CERS3: variants seen among roughly 807,000 people sequenced by gnomAD.
CERS3 encodes LAG1 homolog, ceramide synthase 3.
Under a neutral mutation model 50.3 loss-of-function variants are expected in CERS3, and 33 were observed. That is an observed-to-expected ratio of 0.66 (90% CI 0.50 to 0.88). The LOEUF (loss-of-function observed/expected upper bound fraction) is 0.88. Ranked by LOEUF, CERS3 falls within the 40% of genes least tolerant of loss-of-function variation. The pLI, the probability that CERS3 is intolerant of heterozygous loss-of-function variation, is 0.00. For synonymous variants in CERS3, 176 were observed against 155.2 expected, an observed-to-expected ratio of 1.13 and a Z score of -0.99; for missense variants, 470 against 460.3, an observed-to-expected ratio of 1.02 and a Z score of -0.19.
chr15:100,475,063 T>G (rs1464986136), intron 8 of CERS3, among the ~76,000 whole-genome samples: 2 of 152,204 alleles, frequency 1.3e-5, no homozygotes, highest in Non-Finnish European at 2.9e-5. Context: ...CCTACCTGTA[T>G]ATAAAGACTT....
intron 11 of CERS3, among the ~76,000 whole-genome samples, chr15:100,430,277 A>C (rs1387281043): frequency 1.3e-5 from 2 of 151,842 alleles, no homozygotes; most frequent in Non-Finnish European, 2.9e-5. Context: ...ACGCCACTGC[A>C]CTCCAGCCTG....
chr15:100,472,530 C>T (rs1034704521), intron 9 of CERS3, among the ~76,000 whole-genome samples: 10 of 152,080 alleles, frequency 6.6e-5, no homozygotes, highest in South Asian at 6.2e-4. Flanking sequence ...GAACATTCAA[C>T]GGGTATTCAA....
chr15:100,451,221 GAAAC>G (rs775988419), intron 11 of CERS3, among the ~76,000 whole-genome samples: 20 of 152,038 alleles, frequency 1.3e-4, no homozygotes, highest in Non-Finnish European at 1.8e-4. Flanking sequence ...GAGAAAGAAA[GAAAC>G]AAAGGATATA....
intron 1 of CERS3, among the ~76,000 whole-genome samples, chr15:100,543,240 T>C (rs906793707): frequency 6.6e-6 from 1 of 152,202 alleles, no homozygotes; most frequent in African/African-American, 2.4e-5. Context: ...ACTGTTTATT[T>C]TGAAAACTGT....
intron 11 of CERS3, among the ~76,000 whole-genome samples, chr15:100,440,497 C>A (rs2033629986): frequency 6.6e-6 from 1 of 152,242 alleles, no homozygotes; most frequent in African/African-American, 2.4e-5. Context: ...ACCCCTATCT[C>A]CCTTCACTGA....
chr15:100,439,477 C>T (rs1324141229), intron 11 of CERS3, among the ~76,000 whole-genome samples: 5 of 152,196 alleles, frequency 3.3e-5, no homozygotes, highest in African/African-American at 1.2e-4. Flanking sequence ...AACTCACAAT[C>T]TCTGTTACAA....
rs140272883 is a variant in CERS3 at position 100,414,630 on chromosome 15, C to G, written c.1000-11765G>C. 5.2e-3 allele frequency among the ~76,000 whole-genome samples: 797 copies of G among 152,180 alleles called. 7 individuals are homozygous for G. The highest frequency in any genetic ancestry group is 0.018 in the African/African-American group (763 of 41,516). ...AGACCTCAGAAATAATACCACACAT[C>G]TACAACCATCTGATCTTTGACAAAC... On this transcript the variant is annotated intron_variant, in intron 11 of 11. Coordinates refer to ENST00000679737, the MANE Select transcript of CERS3 (RefSeq NM_001378789.1).
At position 100,402,799 on chromosome 15, in the gene CERS3, C is replaced by A; in HGVS notation, c.1066G>T (p.Ala356Ser). The A allele has an allele frequency of 6.2e-7, 1 of 1,614,090 alleles. No individual in the cohort carries two copies. Among genetic ancestry groups the A allele is most frequent in the Non-Finnish European group, 8.5e-7 (1 of 1,179,976 alleles). ...EEEEEEEEEE[A>S]TKGKEMDCLK... ...CAATCCATCTCTTTGCCTTTGGTAGCCTCTTCTTCTTCCTCTTCCTCTTCC... is the reference window on the plus strand; with the variant it reads ...CAATCCATCTCTTTGCCTTTGGTAGACTCTTCTTCTTCCTCTTCCTCTTCC... The change falls in exon 12 of 12, where the codon GCT becomes TCT. Residue 356 changes from alanine (A) to serine (S), a missense_variant. Coordinates refer to ENST00000679737, the MANE Select transcript of CERS3 (RefSeq NM_001378789.1).
At chr15:100,440,543 G>A (rs1422188796) in intron 11 of CERS3, among the ~76,000 whole-genome samples, 1 of 152,198 alleles carries the variant, frequency 6.6e-6, no homozygotes, top group Non-Finnish European at 1.5e-5. Context: ...GCACCCAGGT[G>A]AAATAAACAG....
chr15:100,509,986 CTGTT>C (rs1477387176), intron 2 of CERS3, among the ~76,000 whole-genome samples: 2 of 149,258 alleles, frequency 1.3e-5, no homozygotes, highest in Admixed American at 6.7e-5. Context: ...CTACATTAGT[CTGTT>C]TGTGCTTTCT....
chr15:100,480,178 C>G, intron 5 of CERS3, 132 bp from the exon 6 acceptor site: 1 of 676,320 alleles, frequency 1.5e-6, no homozygotes, highest in Non-Finnish European at 2.6e-6. Flanking sequence ...TCTATCCTGG[C>G]TCTGCCCCAC....
intron 11 of CERS3, among the ~76,000 whole-genome samples, chr15:100,434,093 G>C (rs1156798067): frequency 6.6e-6 from 1 of 152,240 alleles, no homozygotes; most frequent in Non-Finnish European, 1.5e-5. Flanking sequence ...TGACTCAGCA[G>C]AGTCAGTTCC....
chr15:100,540,966 T>C (rs1450034622), intron 1 of CERS3, among the ~76,000 whole-genome samples: 2 of 152,240 alleles, frequency 1.3e-5, no homozygotes, highest in Admixed American at 6.5e-5. Flanking sequence ...TGATTTACTA[T>C]GCACTTTCTA....
At chr15:100,411,302 C>T (rs1391125900) in intron 11 of CERS3, among the ~76,000 whole-genome samples, 1 of 152,134 alleles carries the variant, frequency 6.6e-6, no homozygotes, top group Non-Finnish European at 1.5e-5. Context: ...GCTGGCGTTA[C>T]AGGTGCCCAC....
At chr15:100,527,140 C>CA (rs1567684722) in intron 1 of CERS3, among the ~76,000 whole-genome samples, 2 of 151,772 alleles carry the variant, frequency 1.3e-5, no homozygotes, top group African/African-American at 4.8e-5. Flanking sequence ...ACTAAAACTA[C>CA]AAAAAAATTA....
chr15:100,530,724 G>A (rs12907869), upstream of CERS3, among the ~76,000 whole-genome samples: 53,419 of 151,930 alleles, frequency 0.35, 9,847 homozygotes, highest in East Asian at 0.58. Flanking sequence ...GGGATATCTC[G>A]GGAAAAGAAT....
chr15:100,521,425 T>C (rs972941938), intron 2 of CERS3, among the ~76,000 whole-genome samples: 20 of 152,192 alleles, frequency 1.3e-4, no homozygotes, highest in Non-Finnish European at 2.8e-4. Flanking sequence ...CTGATGGCTC[T>C]TTGCTACCTG....
chr15:100,495,744 A>C (rs2035792589), intron 3 of CERS3, among the ~76,000 whole-genome samples: 2 of 152,018 alleles, frequency 1.3e-5, no homozygotes, highest in African/African-American at 2.4e-5. Flanking sequence ...TTTTTATTTT[A>C]TTTACAGTAA....
chr15:100,413,347 T>G (rs994757412), intron 11 of CERS3, among the ~76,000 whole-genome samples: 3 of 152,124 alleles, frequency 2.0e-5, no homozygotes, highest in Non-Finnish European at 4.4e-5. Flanking sequence ...CCACAAAATT[T>G]GTATTAAAAT....
Sources: gnomAD v4.1 joint callset for allele counts (sites outside exome capture counted in the v4.1 genomes callset) on GRCh38, gnomAD v4.1.1 for gene constraint, MANE v1.5 for transcripts, NCBI Gene and HGNC (gene_info 2026-07-23, HGNC 2026-07-21) for gene names.